Variants in TM2D3 observed in about 807,000 individuals in gnomAD.
TM2D3 encodes TM2 domain-containing protein 3.
A neutral mutation model predicts 27.3 loss-of-function variants in TM2D3; 33 were observed. That is an observed-to-expected ratio of 1.21 (90% CI 0.92 to 1.61). The LOEUF is 1.61. TM2D3 is among the 40% of genes most tolerant of loss of function. TM2D3 has a pLI of 0.00. For synonymous variants in TM2D3, 138 were observed against 122.2 expected (o/e 1.13, Z -0.85); for missense variants, 364 against 320.8 (o/e 1.13, Z -1.03).
chr15:101,640,864 G>A (rs957594150), downstream of TM2D3, among the ~76,000 whole-genome samples: 2 of 152,150 alleles, frequency 1.3e-5, no homozygotes, highest in Non-Finnish European at 2.9e-5. Context: ...CATGGATTCT[G>A]AATCTTTGAG....
chr15:101,636,882 G>A (rs1332666431), downstream of TM2D3: 1 of 429,622 alleles, frequency 2.3e-6, no homozygotes, highest in South Asian at 1.7e-5. Context: ...CTCGCTCTGT[G>A]GCTCAGGCTG....
chr15:101,642,787 C>T, intron 5 of TM2D3, 143 bp from the exon 6 acceptor site: 1 of 512,826 alleles, frequency 1.9e-6, no homozygotes, highest in Middle Eastern at 5.3e-4. Flanking sequence ...GTGACTATTT[C>T]ACAAACTGAC....
At chr15:101,642,716 C>A in intron 5 of TM2D3, 72 bp from the exon 6 acceptor site, 7 of 1,332,964 alleles carry the variant, frequency 5.3e-6, no homozygotes, top group South Asian at 3.0e-5. Flanking sequence ...GGTTTAATCA[C>A]CACATTATGT....
chr15:101,641,148 C>G (rs1379313539), downstream of TM2D3, among the ~76,000 whole-genome samples: 1 of 152,196 alleles, frequency 6.6e-6, no homozygotes, highest in African/African-American at 2.4e-5. Flanking sequence ...TCTAAAGAAA[C>G]ACCTGCTCAA....
downstream of TM2D3, among the ~76,000 whole-genome samples, chr15:101,641,025 T>C (rs1485888402): frequency 6.6e-6 from 1 of 152,242 alleles, no homozygotes; most frequent in Admixed American, 6.5e-5. Flanking sequence ...CCTTGCATGG[T>C]TGCTCAACAG....
chr15:101,641,230 C>T (rs991950030), downstream of TM2D3, among the ~76,000 whole-genome samples: 5 of 152,154 alleles, frequency 3.3e-5, no homozygotes, highest in Non-Finnish European at 7.3e-5. Context: ...CCGGGTTACT[C>T]CCATCCTGAA....
At chr15:101,648,531 G>A (rs1896878874) in intron 3 of TM2D3, among the ~76,000 whole-genome samples, 1 of 152,220 alleles carries the variant, frequency 6.6e-6, no homozygotes, top group Admixed American at 6.5e-5. Flanking sequence ...ACAGGAGAGT[G>A]AGAAGTGAGC....
At chr15:101,651,814 CG>C (rs1216172831) in intron 1 of TM2D3, 41 bp from the exon 2 acceptor site, 2 of 1,606,692 alleles carry the variant, frequency 1.2e-6, no homozygotes, top group Non-Finnish European at 1.7e-6. Flanking sequence ...CACGTTATCC[CG>C]GGACAAGAAA....
chr15:101,650,135 T>A lies in TM2D3; in HGVS notation c.196A>T (p.Met66Leu), dbSNP rs369485378. 1.1e-5 allele frequency: 17 copies of A among 1,613,832 alleles called. No homozygotes were observed. In the African/African-American group the frequency reaches 2.3e-4, roughly 22 times the overall value. The change falls in exon 3 of 6, where the codon ATG becomes TTG. Residue 66 changes from methionine to leucine, a missense_variant. Transcript: ENST00000333202. ...CACAAACCATTGCTCGGACACTTCATCACATAAGGTGGGATTTCAGTACTT... is the reference window on the plus strand; with the variant it reads ...CACAAACCATTGCTCGGACACTTCAACACATAAGGTGGGATTTCAGTACTT... ...AESTEIPPYVMKCPSNGLCSR... is the reference protein window; with the variant it reads ...AESTEIPPYVLKCPSNGLCSR...
intron 5 of TM2D3, among the ~76,000 whole-genome samples, 186 bp from the exon 6 acceptor site, chr15:101,642,830 T>G (rs1039458563): frequency 1.3e-5 from 2 of 152,216 alleles, no homozygotes; most frequent in Admixed American, 6.5e-5. Flanking sequence ...GAAGACAGTT[T>G]AAATGTCAAA....
At chr15:101,638,672 A>G (rs1043209695), downstream of TM2D3, among the ~76,000 whole-genome samples, 4 of 151,826 alleles carry the variant, frequency 2.6e-5, no homozygotes, top group African/African-American at 9.7e-5. Context: ...CTGAGCAATA[A>G]TTTTTTTTCC....
At chr15:101,640,947 G>C (rs1363345275), downstream of TM2D3, among the ~76,000 whole-genome samples, 1 of 152,224 alleles carries the variant, frequency 6.6e-6, no homozygotes, top group African/African-American at 2.4e-5. Flanking sequence ...AATCAAGGAT[G>C]CTGTTACCTA....
chr15:101,636,875 G>C (rs957884399), downstream of TM2D3: 2 of 423,300 alleles, frequency 4.7e-6, no homozygotes, highest in South Asian at 3.4e-5. Context: ...ACAGTGTCTC[G>C]CTCTGTGGCT....
intron 3 of TM2D3, among the ~76,000 whole-genome samples, chr15:101,647,325 C>CT (rs914848220): frequency 7.9e-5 from 12 of 152,202 alleles, no homozygotes; most frequent in Non-Finnish European, 1.6e-4. Context: ...GGTCACTGAG[C>CT]TTCAAGTGAG....
rs1037876390 is a variant in TM2D3 at position 101,642,412 on chromosome 15, C to T, written c.*67G>A. The stretch of plus-strand genomic sequence containing the variant: ...AAACATAGAAATATATCACTCACAC[C>T]ACATCAACTCCTACGGACAAAAGGG... On this transcript the variant is annotated 3_prime_UTR_variant, in exon 6 of 6. Coordinates refer to ENST00000333202, the MANE Select transcript of TM2D3 (RefSeq NM_078474.3). 2.0e-6 allele frequency: 3 copies of T among 1,483,624 alleles called. No homozygotes were observed. Among genetic ancestry groups the T allele is most frequent in the African/African-American group, 1.4e-5 (1 of 70,538 alleles). 91.9% of individuals were successfully genotyped at this position (1,483,624 alleles called of 1,614,324 possible).
intron 4 of TM2D3, chr15:101,636,531 G>C (rs762542706): frequency 6.5e-6 from 1 of 152,804 alleles, no homozygotes; most frequent in Non-Finnish European, 1.5e-5. Context: ...TGGTTTCCAG[G>C]GAGTCCTTGT....
At chr15:101,636,351 C>G (rs1362022856) in intron 4 of TM2D3, 1 of 152,056 alleles carries the variant, frequency 6.6e-6, no homozygotes, top group Non-Finnish European at 1.5e-5. Context: ...CAAGAAACAC[C>G]CAAAGATGCT....
rs1596268647 is a variant in TM2D3 at position 101,650,354 on chromosome 15, A to G, written c.170-193T>C. On this transcript the variant is annotated intron_variant, in intron 2 of 5. Transcript: ENST00000333202. ...CCACGGCCAGCTGTGGGACCTGGTGAGCACCACACTTGTAAAACATTACTT... is the reference window on the plus strand; with the variant it reads ...CCACGGCCAGCTGTGGGACCTGGTGGGCACCACACTTGTAAAACATTACTT... 4 of 499,616 alleles carry G rather than the reference A, an allele frequency of 8.0e-6. 1 individual carries two copies. Among genetic ancestry groups the G allele is most frequent in the South Asian group, 7.6e-5 (2 of 26,346 alleles). 30.9% of individuals were successfully genotyped at this position (499,616 alleles called of 1,614,324 possible). A position where few individuals can be genotyped will look rare whatever the true frequency, so the allele number is the denominator to read the frequency against.
At position 101,646,857 on chromosome 15, in the gene TM2D3, T is replaced by A; in HGVS notation, c.370A>T (p.Thr124Ser). ...GGAAGCTGCCAGCAAAATCTGCAAG[T>A]CATGTTAATGATGAAGTTCTTTTGG... is the stretch of plus-strand genomic sequence containing the variant. ...KSQKNFIINM[T>S]CRFCWQLPET... The change falls in exon 4 of 6, where the codon ACT becomes TCT. Residue 124 changes from threonine to serine, a missense_variant. Physicochemically the swap from Thr to Ser is moderately conservative, Grantham distance 58. Transcript: ENST00000333202. 13 of 1,614,216 alleles carry A rather than the reference T, an allele frequency of 8.1e-6. No homozygotes were observed. The highest frequency in any genetic ancestry group is 1.0e-5 in the Non-Finnish European group (12 of 1,180,036).
Sources: gnomAD v4.1 joint callset for allele counts (sites outside exome capture counted in the v4.1 genomes callset) on GRCh38, gnomAD v4.1.1 for gene constraint, MANE v1.5 for transcripts, NCBI Gene and HGNC (gene_info 2026-07-23, HGNC 2026-07-21) for gene names.